UTRN: variants seen among roughly 807,000 people sequenced by gnomAD.
The protein encoded by UTRN is dystrophin-related protein 1.
Under a neutral mutation model 463.9 loss-of-function variants are expected in UTRN, and 283 were observed. The ratio of observed to expected loss-of-function variants is 0.61; its 90% CI spans 0.55 to 0.67. The LOEUF is 0.67. Ranked by LOEUF, UTRN falls within the 30% of genes least tolerant of loss-of-function variation. UTRN has a pLI of 0.00. For missense variants in UTRN, 3,922 were observed against 4,084.3 expected, an observed-to-expected ratio of 0.96 and a Z score of 1.08; for synonymous variants, 1,442 against 1,431.5, an observed-to-expected ratio of 1.01 and a Z score of -0.17.
At chr6:144,520,326 T>G (rs1795978480) in intron 39 of UTRN, among the ~76,000 whole-genome samples, 1 of 152,246 alleles carries the variant, frequency 6.6e-6, no homozygotes, top group African/African-American at 2.4e-5. Context: ...TTTTTTCTTT[T>G]CTTAAAAAAT....
intron 2 of UTRN, among the ~76,000 whole-genome samples, chr6:144,388,148 G>A (rs908461707): frequency 2.0e-5 from 3 of 152,178 alleles, no homozygotes; most frequent in African/African-American, 7.2e-5. Context: ...TACAGATACA[G>A]TGCTAACATT....
At chr6:144,382,072 T>C (rs1780981949) in intron 2 of UTRN, among the ~76,000 whole-genome samples, 1 of 152,224 alleles carries the variant, frequency 6.6e-6, no homozygotes, top group African/African-American at 2.4e-5. Context: ...ATTTATATCA[T>C]TGTGTTTTTG....
chr6:144,699,879 TTGTATATATGTATATCATACATATATA>T (rs1379753068), intron 52 of UTRN, among the ~76,000 whole-genome samples, 181 bp from the exon 53 acceptor site: 21 of 148,468 alleles, frequency 1.4e-4, no homozygotes, highest in African/African-American at 4.9e-4. Context: ...AATATATGTA[TTGTATATATGTATATCATACATATATA>T]TGTATATATA....
At chr6:144,314,411 G>A (rs1775146307) in intron 2 of UTRN, among the ~76,000 whole-genome samples, 1 of 152,218 alleles carries the variant, frequency 6.6e-6, no homozygotes, top group African/African-American at 2.4e-5. Context: ...GGGCGGAGCT[G>A]TTGCTGTGCT....
chr6:144,808,804 GTATA>G (rs1472973463), intron 65 of UTRN, among the ~76,000 whole-genome samples: 4 of 151,840 alleles, frequency 2.6e-5, no homozygotes, highest in African/African-American at 9.7e-5. Context: ...ATTTCACTTA[GTATA>G]ATGTCCTCCA....
chr6:144,846,713 G>C, intron 73 of UTRN, 92 bp from the exon 74 acceptor site: 1 of 1,550,426 alleles, frequency 6.4e-7, no homozygotes, highest in Non-Finnish European at 8.9e-7. Flanking sequence ...CCTATGTAGA[G>C]TGATACTTTC....
chr6:144,542,970 G>T (rs142809334), intron 46 of UTRN, 100 bp downstream of exon 46: 7 of 992,806 alleles, frequency 7.1e-6, no homozygotes, highest in Admixed American at 2.7e-5. Flanking sequence ...TAGAAACGTC[G>T]TGCCATTTTC....
At position 144,754,756 on chromosome 6, in the gene UTRN, GC is replaced by G. The variant is rs1791796557; in HGVS notation, c.8395del (p.His2799ThrfsTer47). ...VDDRLKQLQE[A>X]HRDFGPSSQH... The stretch of plus-strand genomic sequence containing the variant: ...TGATCGCCTTAAACAGCTTCAGGAA[GC>G]CCACAGAGATTTTGGACCATCCTCT... On this transcript the variant is annotated frameshift_variant, in exon 57 of 75. Transcript: ENST00000367545. LOFTEE classifies it high-confidence loss of function. 6.2e-7 allele frequency: 1 copy of G among 1,613,392 alleles called. No homozygotes were observed. Among genetic ancestry groups the G allele is most frequent in the African/African-American group, 1.3e-5 (1 of 74,846 alleles).
At chr6:144,846,613 T>C (rs1391863918) in intron 73 of UTRN, among the ~76,000 whole-genome samples, 192 bp from the exon 74 acceptor site, 3 of 152,070 alleles carry the variant, frequency 2.0e-5, no homozygotes, top group Non-Finnish European at 2.9e-5. Flanking sequence ...CCAGGAAAAC[T>C]AGCCCTCATT....
At chr6:144,823,023 T>C (rs1009046199) in intron 66 of UTRN, among the ~76,000 whole-genome samples, 2 of 152,148 alleles carry the variant, frequency 1.3e-5, no homozygotes, top group Non-Finnish European at 2.9e-5. Context: ...AAATAATCAT[T>C]GGTGTCAGTC....
rs4256449 is a variant in UTRN at position 144,439,360 on chromosome 6, C to G, written c.1392+465C>G. Reference sequence around the variant, plus strand: ...AAGGAAAGATAGAATAAAATATGCTCTCTGTAAATTGAAGACTTTTATTGA... The same window carrying G: ...AAGGAAAGATAGAATAAAATATGCTGTCTGTAAATTGAAGACTTTTATTGA... On this transcript the variant is annotated intron_variant, in intron 12 of 74. Coordinates refer to ENST00000367545, the MANE Select transcript of UTRN (RefSeq NM_007124.3). 4.4e-3 allele frequency among the ~76,000 whole-genome samples: 670 copies of G among 152,252 alleles called. 17 individuals are homozygous for G. The highest frequency in any genetic ancestry group is 0.03 in the Admixed American group (458 of 15,294).
intron 73 of UTRN, among the ~76,000 whole-genome samples, chr6:144,844,494 C>G (rs1478536314): frequency 6.6e-6 from 1 of 152,182 alleles, no homozygotes; most frequent in African/African-American, 2.4e-5. Context: ...GTCTCAAACT[C>G]CTGGCCTCAA....
chr6:144,641,247 C>T (rs1235663258), intron 51 of UTRN, among the ~76,000 whole-genome samples: 1 of 152,112 alleles, frequency 6.6e-6, no homozygotes, highest in Non-Finnish European at 1.5e-5. Context: ...TTGGTTCGAT[C>T]TGGAAGGGTG....
At chr6:144,527,479 A>G (rs1796667776) in intron 41 of UTRN, among the ~76,000 whole-genome samples, 1 of 152,184 alleles carries the variant, frequency 6.6e-6, no homozygotes, top group Non-Finnish European at 1.5e-5. Context: ...TGCCTAGGCA[A>G]TGATCTTTTT....
intron 3 of UTRN, among the ~76,000 whole-genome samples, chr6:144,411,862 C>T (rs1158355190): frequency 6.6e-6 from 1 of 152,056 alleles, no homozygotes; most frequent in East Asian, 1.9e-4. Flanking sequence ...TTCTTAGCAA[C>T]TTATGCTGAC....
chr6:144,327,254 G>A (rs748245221), intron 2 of UTRN, among the ~76,000 whole-genome samples: 1 of 152,252 alleles, frequency 6.6e-6, no homozygotes, highest in East Asian at 1.9e-4. Context: ...TTCCTGTTAC[G>A]CATTTTCCTT....
chr6:144,823,333 G>A (rs903477389), intron 66 of UTRN, among the ~76,000 whole-genome samples: 8 of 151,632 alleles, frequency 5.3e-5, no homozygotes, highest in African/African-American at 1.7e-4. Context: ...TTCACTTTTC[G>A]GCTGAGCCCT....
chr6:144,794,072 C>T, intron 63 of UTRN, 81 bp downstream of exon 63: 4 of 1,527,778 alleles, frequency 2.6e-6, no homozygotes, highest in African/African-American at 1.4e-5. Flanking sequence ...ATAGGGAACT[C>T]GGGCTGGAGC....
chr6:144,451,461 C>T lies in UTRN; in HGVS notation c.2164C>T (p.Gln722Ter). ...TTEIKEYMKM[Q>*]DTSEMKKKLK... is the part of the protein sequence containing the mutation. Reference sequence around the variant, plus strand: ...AGAGATAAAAGAGTATATGAAGATGCAAGACACTTCCGAAATGAAAAAGAA... The same window carrying T: ...AGAGATAAAAGAGTATATGAAGATGTAAGACACTTCCGAAATGAAAAAGAA... The change falls in exon 18 of 75, where the codon CAA becomes TAA. Residue 722 changes from glutamine to a stop codon, truncating the protein, a stop_gained. Transcript: ENST00000367545. LOFTEE classifies it high-confidence loss of function. 6.2e-7 allele frequency: 1 copy of T among 1,611,350 alleles called. No homozygotes were observed. The highest frequency in any genetic ancestry group is 8.5e-7 in the Non-Finnish European group (1 of 1,179,212).
Sources: allele counts gnomAD v4.1 joint callset (sites outside exome capture counted in the v4.1 genomes callset), GRCh38; gene constraint gnomAD v4.1.1; transcripts MANE v1.5; gene names NCBI Gene and HGNC (gene_info 2026-07-23, HGNC 2026-07-21).